The following FBXO10 variants were observed in gnomAD, a reference collection of about 807,000 sequenced individuals.
The protein encoded by FBXO10 is F-box only protein 10.
Under a neutral mutation model 80.7 loss-of-function variants are expected in FBXO10, and 39 were observed. The observed-to-expected ratio is 0.48, with a 90% confidence interval of 0.37 to 0.63. FBXO10 has a LOEUF of 0.63. Ranked by LOEUF, FBXO10 falls within the 30% of genes least tolerant of loss-of-function variation. The pLI, the probability that FBXO10 is intolerant of heterozygous loss-of-function variation, is 0.00. For missense variants in FBXO10, 1,025 were observed against 1,269.0 expected (o/e 0.81, Z 2.92); for synonymous variants, 449 against 489.6 (o/e 0.92, Z 1.09).
intron 1 of FBXO10, among the ~76,000 whole-genome samples, chr9:37,543,152 A>C (rs1450002356): frequency 6.6e-6 from 1 of 152,152 alleles, no homozygotes; most frequent in East Asian, 1.9e-4. Flanking sequence ...TGAGCAGTTA[A>C]TTGGTTATTC....
At chr9:37,539,222 T>C (rs1015472697) in intron 2 of FBXO10, among the ~76,000 whole-genome samples, 3 of 152,240 alleles carry the variant, frequency 2.0e-5, no homozygotes, top group Non-Finnish European at 2.9e-5. Flanking sequence ...TTCTTCCTTA[T>C]GGCTAACCTA....
At chr9:37,560,831 C>G (rs1822460817) in intron 1 of FBXO10, among the ~76,000 whole-genome samples, 1 of 152,024 alleles carries the variant, frequency 6.6e-6, no homozygotes, top group Admixed American at 6.5e-5. Context: ...CCAAGTGGTT[C>G]CGTTTTTTGA....
chr9:37,526,887 G>T (rs1248349214), intron 5 of FBXO10, among the ~76,000 whole-genome samples: 1 of 151,058 alleles, frequency 6.6e-6, no homozygotes, highest in Non-Finnish European at 1.5e-5. Flanking sequence ...TCTCGCTCTT[G>T]TCACCCAGGC....
rs185891601 is a variant in FBXO10 at position 37,562,202 on chromosome 9, A to G, written c.-7+14009T>C. Among the ~76,000 whole-genome samples the G allele has an allele frequency of 2.5e-3, 380 of 152,314 alleles. 3 individuals are homozygous for G. The highest frequency in any genetic ancestry group is 4.2e-3 in the Non-Finnish European group (288 of 68,030). The stretch of plus-strand genomic sequence containing the variant: ...GGGCAGGCAGGCTGGGGTCAGGAAT[A>G]AAAACATCCCTCAGGGATCTGCACT... On this transcript the variant is annotated intron_variant, in intron 1 of 10. Coordinates refer to ENST00000432825, the MANE Select transcript of FBXO10 (RefSeq NM_012166.3).
chr9:37,551,716 G>A (rs1822202712), intron 1 of FBXO10, among the ~76,000 whole-genome samples: 1 of 152,096 alleles, frequency 6.6e-6, no homozygotes, highest in African/African-American at 2.4e-5. Flanking sequence ...AAAATCAAAT[G>A]GTCACTTGGC....
At chr9:37,515,839 C>G (rs1821166388) in intron 10 of FBXO10, 65 bp downstream of exon 10, 2 of 1,533,874 alleles carry the variant, frequency 1.3e-6, no homozygotes, top group Non-Finnish European at 1.8e-6. Context: ...TGGGTGTGGG[C>G]CTGGCTTCTT....
chr9:37,534,281 G>A (rs987216666), intron 3 of FBXO10, among the ~76,000 whole-genome samples: 1 of 152,174 alleles, frequency 6.6e-6, no homozygotes, highest in African/African-American at 2.4e-5. Context: ...TGCTTAGGAT[G>A]GAGAAAGTAG....
intron 6 of FBXO10, 93 bp downstream of exon 6, chr9:37,525,009 G>A: frequency 1.9e-6 from 2 of 1,063,416 alleles, no homozygotes; most frequent in Non-Finnish European, 1.4e-6. Flanking sequence ...ATAGTCTGTG[G>A]GGGTAAAGGA....
intron 1 of FBXO10, among the ~76,000 whole-genome samples, chr9:37,549,459 T>C (rs1822138186): frequency 6.6e-6 from 1 of 152,146 alleles, no homozygotes; most frequent in South Asian, 2.1e-4. Context: ...TGTCCCCCAT[T>C]CCAACGCTTC....
chr9:37,568,685 G>T (rs1442826691), intron 1 of FBXO10, among the ~76,000 whole-genome samples: 1 of 152,026 alleles, frequency 6.6e-6, no homozygotes, highest in African/African-American at 2.4e-5. Flanking sequence ...GTCTAAGGTC[G>T]GAGTTCACGT....
chr9:37,521,599 C>T lies in FBXO10; in HGVS notation c.2170G>A (p.Val724Ile). Residue 724 changes from valine to isoleucine, a missense_variant, in exon 8 of 11, where the codon GTT (valine) becomes ATT (isoleucine). Val to Ile is a conservative substitution (Grantham distance 29). This residue lies in a region of FBXO10 where 478 missense variants were observed against 667.8 expected (regional missense o/e 0.72). Transcript: ENST00000432825. ...TTGTGATTAATACTGTTAGACTCAACAAGAGCTATGGTGATGGGCCGGCGC... is the reference window on the plus strand; with the variant it reads ...TTGTGATTAATACTGTTAGACTCAATAAGAGCTATGGTGATGGGCCGGCGC... ...PLRRPITIAL[V>I]ESNSINHNGA... The T allele has an allele frequency of 6.2e-7, 1 of 1,613,490 alleles. No homozygotes were observed. The highest frequency in any genetic ancestry group is 8.5e-7 in the Non-Finnish European group (1 of 1,179,656).
chr9:37,525,018 G>A, intron 6 of FBXO10, 84 bp downstream of exon 6: 1 of 1,162,966 alleles, frequency 8.6e-7, no homozygotes, highest in Non-Finnish European at 1.2e-6. Context: ...GGGGGTAAAG[G>A]AGCAGTGTGA....
chr9:37,566,459 GA>G (rs397894696), intron 1 of FBXO10, among the ~76,000 whole-genome samples: 19,310 of 64,174 alleles, frequency 0.3, 1,588 homozygotes, highest in East Asian at 0.4. Flanking sequence ...CTCTGTCTCG[GA>G]AAAAAAAAAA....
intron 3 of FBXO10, chr9:37,536,144 C>A (rs1821759443): frequency 6.6e-6 from 1 of 152,140 alleles, no homozygotes; most frequent in African/African-American, 2.4e-5. Context: ...TGCTATTAAC[C>A]ATTTTAGAAG....
At chr9:37,547,682 G>A (rs1446884855) in intron 1 of FBXO10, among the ~76,000 whole-genome samples, 1 of 152,304 alleles carries the variant, frequency 6.6e-6, no homozygotes, top group East Asian at 1.9e-4. Context: ...GCTTAGGCCA[G>A]GCACAGTGGC....
chr9:37,541,398 G>A lies in FBXO10; in HGVS notation c.371C>T (p.Ala124Val), dbSNP rs757241559. Residue 124 changes from alanine to valine, a missense_variant, in exon 2 of 11, where the codon GCC becomes GTC. By Grantham distance (64) the Ala-to-Val change is moderately conservative (BLOSUM62 0). Around this residue, in one of 3 missense-constraint regions of FBXO10, gnomAD observed 450 missense variants for 499.4 expected, o/e 0.90. Coordinates refer to ENST00000432825, the MANE Select transcript of FBXO10 (RefSeq NM_012166.3). ...GTCATACAGGCTGGCCATGGCCAAG[G>A]CACTGCCCAGGCTGTCAAACTCACG... The part of the protein sequence containing the change: ...PGREFDSLGS[A>V]LAMASLYDRI... 6.2e-7 allele frequency: 1 copy of A among 1,614,012 alleles called. No homozygotes were observed. The highest frequency in any genetic ancestry group is 8.5e-7 in the Non-Finnish European group (1 of 1,179,882).
In FBXO10 at chr9:37,537,650, C is replaced by T. The variant is rs1381321966; in HGVS notation, c.879G>A (p.Met293Ile). 1.2e-6 allele frequency: 2 copies of T among 1,613,994 alleles called. No homozygotes were observed. The highest frequency in any genetic ancestry group is 1.1e-5 in the South Asian group (1 of 91,086). ...GGTCCCGGCTCTCTAGGTCCAGGGA[C>T]ATTAAAAAGTCAGAGTCCTCTGTGG... Reference protein sequence around the residue: ...FLPTEDSDFLMSLDLESRDQA... With the variant: ...FLPTEDSDFLISLDLESRDQA... Residue 293 changes from methionine to isoleucine, a missense_variant, in exon 3 of 11, where the codon ATG becomes ATA. Around this residue, in one of 3 missense-constraint regions of FBXO10, gnomAD observed 450 missense variants for 499.4 expected, o/e 0.90. Transcript: ENST00000432825.
At chr9:37,563,654 A>G (rs55998132) in intron 1 of FBXO10, among the ~76,000 whole-genome samples, 15 of 152,356 alleles carry the variant, frequency 9.8e-5, no homozygotes, top group African/African-American at 3.6e-4. Context: ...CTATGCAAAG[A>G]GACTCACAGC....
In FBXO10 at chr9:37,537,232, G is replaced by C; in HGVS notation, c.1297C>G (p.Arg433Gly). ...LANSVQGCLI[R>G]KCLFRDGKGG... ...TTCCCGTCCCGGAAGAGGCACTTGC[G>C]GATGAGGCAGCCCTGCACGGAGTTG... Residue 433 changes from arginine to glycine, a missense_variant, in exon 3 of 11, where the codon CGC becomes GGC. Transcript: ENST00000432825. The C allele has an allele frequency of 1.2e-6, 2 of 1,613,924 alleles. No individual in the cohort carries two copies. The highest frequency in any genetic ancestry group is 1.7e-6 in the Non-Finnish European group (2 of 1,179,902).
Sources: allele counts gnomAD v4.1 joint callset (sites outside exome capture counted in the v4.1 genomes callset), GRCh38; gene constraint gnomAD v4.1.1; regional missense constraint gnomAD v4.1.1; transcripts MANE v1.5; gene names NCBI Gene and HGNC (gene_info 2026-07-23, HGNC 2026-07-21).